The following IGSF21 variants were observed in gnomAD, a reference collection of about 807,000 sequenced individuals.
IGSF21 encodes the protein immunoglobulin superfamily member 21.
In IGSF21, 28 loss-of-function variants were observed where a neutral mutation model predicts 46.8. The observed-to-expected ratio is 0.60, with a 90% CI of 0.44 to 0.82. IGSF21 has a LOEUF of 0.82. Ranked by LOEUF, IGSF21 falls within the 40% of genes least tolerant of loss-of-function variation. The pLI is 0.00. For missense variants in IGSF21, 624 were observed against 665.5 expected (o/e 0.94, Z 0.69); for synonymous variants, 284 against 273.6 (o/e 1.04, Z -0.38).
At chr1:18,198,185 G>A (rs535648496) in intron 1 of IGSF21, among the ~76,000 whole-genome samples, 8 of 152,288 alleles carry the variant, frequency 5.3e-5, no homozygotes, top group South Asian at 2.1e-4. Flanking sequence ...AAGTGAACAC[G>A]GGGTTGACTG....
chr1:18,217,736 G>T (rs1473482120), intron 1 of IGSF21, among the ~76,000 whole-genome samples: 2 of 152,210 alleles, frequency 1.3e-5, no homozygotes, highest in Non-Finnish European at 2.9e-5. Context: ...TTAGAAGCAA[G>T]GGGGAGTGGG....
chr1:18,180,210 G>A (rs2086843146), intron 1 of IGSF21, among the ~76,000 whole-genome samples: 1 of 152,340 alleles, frequency 6.6e-6, no homozygotes, highest in Non-Finnish European at 1.5e-5. Context: ...ATGTGGCGAG[G>A]TGTAGATGTT....
At chr1:18,236,734 T>C (rs1569596431) in intron 2 of IGSF21, among the ~76,000 whole-genome samples, 1 of 129,486 alleles carries the variant, frequency 7.7e-6, no homozygotes, top group Non-Finnish European at 1.7e-5. Context: ...CGGTGAGGAG[T>C]GGAGTGTCCT....
chr1:18,235,710 G>A (rs968471943), intron 2 of IGSF21, among the ~76,000 whole-genome samples: 9 of 152,190 alleles, frequency 5.9e-5, no homozygotes, highest in Middle Eastern at 3.2e-3. Flanking sequence ...AACTGAATCT[G>A]GAGTTATTCT....
At chr1:18,131,797 C>A (rs539864179) in intron 1 of IGSF21, among the ~76,000 whole-genome samples, 1 of 152,228 alleles carries the variant, frequency 6.6e-6, no homozygotes, top group African/African-American at 2.4e-5. Flanking sequence ...AGAGGACTGT[C>A]TTCTACTTCT....
chr1:18,277,295 C>T (rs964823226), intron 2 of IGSF21, among the ~76,000 whole-genome samples: 3 of 152,186 alleles, frequency 2.0e-5, no homozygotes, highest in East Asian at 1.9e-4. Context: ...ACGTGAATCC[C>T]GTGGGGTGGT....
intron 1 of IGSF21, among the ~76,000 whole-genome samples, chr1:18,208,589 G>T (rs1368165514): frequency 7.3e-6 from 1 of 137,766 alleles, no homozygotes; most frequent in African/African-American, 2.7e-5. Flanking sequence ...AGTAGAGACC[G>T]GGTTTCTCCA....
chr1:18,199,895 C>G (rs1334541227), intron 1 of IGSF21, among the ~76,000 whole-genome samples: 2 of 146,696 alleles, frequency 1.4e-5, no homozygotes, highest in Non-Finnish European at 3.1e-5. Flanking sequence ...GCTCCCGGCC[C>G]CCCCCTACCC....
intron 2 of IGSF21, among the ~76,000 whole-genome samples, chr1:18,261,260 C>T (rs1260671694): frequency 6.6e-6 from 1 of 152,162 alleles, no homozygotes; most frequent in Non-Finnish European, 1.5e-5. Flanking sequence ...CCAGAAGTGT[C>T]ATGCAAGAAG....
intron 1 of IGSF21, among the ~76,000 whole-genome samples, chr1:18,127,044 C>G (rs551734059): frequency 4.6e-5 from 7 of 152,340 alleles, no homozygotes; most frequent in African/African-American, 1.4e-4. Context: ...TTGTCCCTTC[C>G]CAGGCTGCTC....
At chr1:18,184,918 C>T (rs1190382960) in intron 1 of IGSF21, among the ~76,000 whole-genome samples, 1 of 152,216 alleles carries the variant, frequency 6.6e-6, no homozygotes, top group East Asian at 1.9e-4. Flanking sequence ...TGACCTTGGG[C>T]ATGTGTAACT....
rs114936290 is a variant in IGSF21, at chr1:18,234,296, G to A, written c.183+6286G>A. ...TCCCCAACCCCTGGCCTTCCAAAGA[G>A]CCAGGTTCTCCCTGATGAGGTATGT... On this transcript the variant is annotated intron_variant, in intron 2 of 9. Transcript: ENST00000251296. 9.4e-3 allele frequency among the ~76,000 whole-genome samples: 1,432 copies of A among 152,272 alleles called. 6 individuals are homozygous for A. Among genetic ancestry groups the A allele is most frequent in the Non-Finnish European group, 0.015 (1,020 of 68,020 alleles).
At chr1:18,138,935 C>G (rs1361595453) in intron 1 of IGSF21, among the ~76,000 whole-genome samples, 2 of 152,178 alleles carry the variant, frequency 1.3e-5, no homozygotes, top group African/African-American at 4.8e-5. Context: ...AGTTGGGATT[C>G]AGACCTGTCA....
intron 2 of IGSF21, among the ~76,000 whole-genome samples, chr1:18,286,650 C>T (rs1037965380): frequency 5.3e-5 from 8 of 152,318 alleles, no homozygotes; most frequent in Non-Finnish European, 5.9e-5. Flanking sequence ...CTGGGCCAGG[C>T]TACTCTTACC....
At chr1:18,328,045 C>T (rs934244099) in intron 3 of IGSF21, among the ~76,000 whole-genome samples, 2 of 152,176 alleles carry the variant, frequency 1.3e-5, no homozygotes, top group Non-Finnish European at 2.9e-5. Flanking sequence ...GGTTAATTAA[C>T]GTCCAGCCTC....
chr1:18,141,587 G>T (rs764259541), intron 1 of IGSF21, among the ~76,000 whole-genome samples: 5 of 152,176 alleles, frequency 3.3e-5, no homozygotes, highest in Non-Finnish European at 7.3e-5. Context: ...ATATGACTGA[G>T]AGTGAGGGAC....
intron 1 of IGSF21, among the ~76,000 whole-genome samples, chr1:18,202,776 C>T (rs975049551): frequency 1.3e-5 from 2 of 152,198 alleles, no homozygotes; most frequent in Non-Finnish European, 2.9e-5. Context: ...AAAGCCAAAC[C>T]ATATCAATCA....
At chr1:18,345,011 G>A (rs2085878861) in intron 4 of IGSF21, among the ~76,000 whole-genome samples, 1 of 152,184 alleles carries the variant, frequency 6.6e-6, no homozygotes, top group East Asian at 1.9e-4. Context: ...CTGAAGGGGA[G>A]GAGGTATGAA....
At position 18,337,240 on chromosome 1, in the gene IGSF21, T is replaced by C. The variant is rs1263863256; in HGVS notation, c.424+2230T>C. Among the ~76,000 whole-genome samples the C allele has an allele frequency of 1.3e-5, 2 of 152,126 alleles. No homozygotes were observed. Among genetic ancestry groups the C allele is most frequent in the African/African-American group, 2.4e-5 (1 of 41,428 alleles). ...CACTCAGGTTGCACAACTGGCCTGA[T>C]GGTCTCTGCTGAGCAAGGGAGTGTG... On this transcript the variant is annotated intron_variant, in intron 4 of 9. Transcript: ENST00000251296. The surrounding 1 kb of genome is among the most constrained non-coding windows in gnomAD (Gnocchi z 5.7).
Sources: allele counts gnomAD v4.1 joint callset (sites outside exome capture counted in the v4.1 genomes callset), GRCh38; gene constraint gnomAD v4.1.1; non-coding constraint Gnocchi (gnomAD v3.1); transcripts MANE v1.5; gene names NCBI Gene and HGNC (gene_info 2026-07-23, HGNC 2026-07-21).